HOMER2: variants seen among roughly 807,000 people sequenced by gnomAD.
HOMER2 encodes the protein homer scaffold protein 2.
Under a neutral mutation model 47.0 loss-of-function variants are expected in HOMER2, and 27 were observed. The ratio of observed to expected loss-of-function variants is 0.57; its 90% confidence interval spans 0.42 to 0.79. The LOEUF (loss-of-function observed/expected upper bound fraction) is 0.79, where lower values mean the gene tolerates loss of function less well. HOMER2 is among the 30% of genes least tolerant of loss of function. The pLI, the probability that HOMER2 is intolerant of heterozygous loss-of-function variation, is 0.00. For synonymous variants in HOMER2, 161 were observed against 163.8 expected (o/e 0.98, Z 0.13); for missense variants, 443 against 435.0 (o/e 1.02, Z -0.16).
chr15:82,901,115 C>T (rs1233713620), intron 1 of HOMER2, among the ~76,000 whole-genome samples: 1 of 152,118 alleles, frequency 6.6e-6, no homozygotes, highest in Non-Finnish European at 1.5e-5. Context: ...AGTTCTGGGG[C>T]TGGGTCACAG....
At position 82,897,060 on chromosome 15, in the gene HOMER2, CA is replaced by C. The variant is rs1416972974; in HGVS notation, c.6-4220del. On this transcript the variant is annotated intron_variant, in intron 1 of 8. Transcript: ENST00000450735. ...ATATGACAGGTCTGAAATTTGATGT[CA>C]TTTCTTTTTTTTTTTTTTTTTTTTA... is the stretch of plus-strand genomic sequence containing the variant. 7.8e-5 allele frequency among the ~76,000 whole-genome samples: 5 copies of C among 64,202 alleles called. No homozygotes were observed. The South Asian group carries it at 1.3e-3, about 16-fold the overall frequency. The allele number at this position is 64,202 out of a possible 152,430, so 42.1% of individuals were successfully genotyped here.
intron 1 of HOMER2, among the ~76,000 whole-genome samples, chr15:82,962,688 T>A (rs934537022): frequency 3.3e-5 from 5 of 151,742 alleles, no homozygotes; most frequent in African/African-American, 1.2e-4. Flanking sequence ...AAAAAAAAAG[T>A]CCGGGAAGTG....
At position 82,976,985 on chromosome 15, in the gene HOMER2, A is replaced by AT. The variant is rs199998913; in HGVS notation, n.82+8801dup. 2.1e-4 allele frequency among the ~76,000 whole-genome samples: 31 copies of AT among 150,406 alleles called. No individual in the cohort carries two copies. In the East Asian group the frequency reaches 2.9e-3, roughly 14 times the overall value. On this transcript the variant is annotated intron_variant and non_coding_transcript_variant, in intron 1 of 1. Coordinates refer to the HOMER2 transcript ENST00000500334. ...GCTACCGTGCCCAGCTGTGTTCCAC[A>AT]TTTTTTTTTAACTCTCCTCACTCCT...
chr15:82,898,844 T>C (rs1040965359), intron 1 of HOMER2, among the ~76,000 whole-genome samples: 12 of 152,276 alleles, frequency 7.9e-5, no homozygotes, highest in Middle Eastern at 3.2e-3. Context: ...TTTTCTGACA[T>C]AAACCTACAA....
At chr15:82,962,515 A>G (rs1342693455) in intron 1 of HOMER2, among the ~76,000 whole-genome samples, 1 of 152,020 alleles carries the variant, frequency 6.6e-6, no homozygotes, top group African/African-American at 2.4e-5. Flanking sequence ...TGTCTCTACT[A>G]AAAATATAAA....
At chr15:82,975,970 A>G (rs903400691) in intron 1 of HOMER2, among the ~76,000 whole-genome samples, 5 of 152,214 alleles carry the variant, frequency 3.3e-5, no homozygotes, top group African/African-American at 1.2e-4. Context: ...CCTGTGTCCC[A>G]TAAATATATA....
intron 7 of HOMER2, among the ~76,000 whole-genome samples, chr15:82,851,705 C>T (rs984390952): frequency 6.6e-6 from 1 of 152,032 alleles, no homozygotes; most frequent in Non-Finnish European, 1.5e-5. Context: ...CTGAGGTGGG[C>T]GGAATGCTTC....
intron 3 of HOMER2, among the ~76,000 whole-genome samples, chr15:82,868,871 A>G (rs1045434772): frequency 4.6e-5 from 7 of 151,648 alleles, no homozygotes; most frequent in African/African-American, 1.7e-4. Context: ...ATATATATTT[A>G]GACCTACAGT....
rs553076543 is a variant in HOMER2, at chr15:82,895,099, TAATGCTGCTTC to T, written c.6-2269_6-2259del. ...GCCTGTTTCTCCTCAGGCATGCTAT[TAATGCTGCTTC>T]AATGCAGCTGTTTACAGAGGCCAGC... On this transcript the variant is annotated intron_variant, in intron 1 of 8. Coordinates refer to ENST00000450735, the MANE Select transcript of HOMER2 (RefSeq NM_004839.4). Among the ~76,000 whole-genome samples the T allele has an allele frequency of 4.6e-5, 7 of 152,328 alleles. No homozygotes were observed. In the East Asian group the frequency reaches 1.3e-3, roughly 29 times the overall value.
At chr15:82,851,642 C>T (rs541191207) in intron 7 of HOMER2, among the ~76,000 whole-genome samples, 16 of 152,184 alleles carry the variant, frequency 1.1e-4, no homozygotes, top group African/African-American at 3.6e-4. Flanking sequence ...GTGGTGGGCA[C>T]GTGTGTGTGG....
At chr15:82,864,014 A>AT (rs1440614527) in intron 4 of HOMER2, among the ~76,000 whole-genome samples, 153 bp downstream of exon 4, 9 of 152,246 alleles carry the variant, frequency 5.9e-5, no homozygotes, top group Admixed American at 5.9e-4. Flanking sequence ...CAAGAGTCTC[A>AT]TAAAAACATG....
At chr15:82,890,324 A>G (rs2052664719) in intron 2 of HOMER2, among the ~76,000 whole-genome samples, 1 of 152,202 alleles carries the variant, frequency 6.6e-6, no homozygotes, top group South Asian at 2.1e-4. Context: ...CCTAGGCGAC[A>G]AAGTGAGACC....
At chr15:82,940,416 T>C (rs1335737701) in intron 1 of HOMER2, among the ~76,000 whole-genome samples, 1 of 152,150 alleles carries the variant, frequency 6.6e-6, no homozygotes, top group African/African-American at 2.4e-5. Flanking sequence ...CTGAGCAACA[T>C]AGTGCAACCC....
rs754166570 is a variant in HOMER2, at chr15:82,875,238, C to T, written c.294+35G>A. 3.3e-5 allele frequency: 53 copies of T among 1,605,718 alleles called. No individual in the cohort carries two copies. The South Asian group carries it at 4.0e-4, about 12-fold the overall frequency. On this transcript the variant is annotated intron_variant, in intron 3 of 8. Coordinates refer to ENST00000450735, the MANE Select transcript of HOMER2 (RefSeq NM_004839.4). ...TCACTGATGAGAATGGCATCTGATG[C>T]GGGATTTACTGCACTGTGGATAGGA...
downstream of HOMER2, chr15:82,845,219 C>CACACACA (rs1491469650): frequency 9.8e-4 from 3 of 3,058 alleles, no homozygotes; most frequent in African/African-American, 0.012. Flanking sequence ...GCTGTTTCTT[C>CACACACA]ACACACACAC....
intron 1 of HOMER2, among the ~76,000 whole-genome samples, chr15:82,974,660 C>T (rs2030139710): frequency 6.6e-6 from 1 of 152,178 alleles, no homozygotes; most frequent in Non-Finnish European, 1.5e-5. Flanking sequence ...TAGTAAAGAG[C>T]TCTGTGAGTC....
intron 1 of HOMER2, among the ~76,000 whole-genome samples, chr15:82,933,215 C>A (rs2054060196): frequency 6.6e-6 from 1 of 151,978 alleles, no homozygotes; most frequent in Non-Finnish European, 1.5e-5. Flanking sequence ...TGTTCAGAGA[C>A]CCCACATCCC....
At chr15:82,921,783 G>A (rs1209786803) in intron 1 of HOMER2, among the ~76,000 whole-genome samples, 2 of 152,108 alleles carry the variant, frequency 1.3e-5, no homozygotes, top group African/African-American at 4.8e-5. Context: ...CTCAGACTCT[G>A]GGCTCTGGTC....
chr15:82,922,487 G>T (rs1209790044), intron 1 of HOMER2, among the ~76,000 whole-genome samples: 1 of 152,200 alleles, frequency 6.6e-6, no homozygotes, highest in South Asian at 2.1e-4. Context: ...ATTTGAAGGA[G>T]CACAAAAATA....
Sources: allele counts gnomAD v4.1 joint callset (sites outside exome capture counted in the v4.1 genomes callset), GRCh38; gene constraint gnomAD v4.1.1; transcripts MANE v1.5; gene names NCBI Gene and HGNC (gene_info 2026-07-23, HGNC 2026-07-21).